CNTN5: variants seen among roughly 807,000 people sequenced by gnomAD.
CNTN5 encodes contactin 5.
In CNTN5, 77 loss-of-function variants were observed where a neutral mutation model predicts 129.1. That is an observed-to-expected ratio of 0.60 (90% CI 0.50 to 0.72). The LOEUF is 0.72. Ranked by LOEUF, CNTN5 falls within the 30% of genes least tolerant of loss-of-function variation. The probability of loss-of-function intolerance (pLI) is 0.00; values close to 1 mark genes in which losing one functional copy is unlikely to be tolerated. For synonymous variants in CNTN5, 509 were observed against 465.6 expected, an observed-to-expected ratio of 1.09 and a Z score of -1.20; for missense variants, 1,478 against 1,328.8, an observed-to-expected ratio of 1.11 and a Z score of -1.75.
chr11:99,343,109 T>C (rs1866596697), intron 2 of CNTN5, among the ~76,000 whole-genome samples: 1 of 152,168 alleles, frequency 6.6e-6, no homozygotes, highest in Non-Finnish European at 1.5e-5. Context: ...TTGTCAGGCC[T>C]CATCTGGAAG....
chr11:99,586,397 T>C (rs778980752), intron 3 of CNTN5, among the ~76,000 whole-genome samples: 1 of 152,206 alleles, frequency 6.6e-6, no homozygotes, highest in Non-Finnish European at 1.5e-5. Context: ...TTACCCTTTC[T>C]CTAAATAAAA....
chr11:99,873,881 TA>T (rs902634982), intron 6 of CNTN5, among the ~76,000 whole-genome samples: 2 of 151,880 alleles, frequency 1.3e-5, no homozygotes, highest in Non-Finnish European at 2.9e-5. Context: ...AATGCAGCCA[TA>T]AAAAAAGAAT....
At chr11:99,643,492 A>T (rs963647915) in intron 3 of CNTN5, among the ~76,000 whole-genome samples, 1 of 152,200 alleles carries the variant, frequency 6.6e-6, no homozygotes, top group African/African-American at 2.4e-5. Context: ...ATAAATAAGG[A>T]TGATAACTAT....
At chr11:99,773,792 C>T (rs1222180837) in intron 3 of CNTN5, among the ~76,000 whole-genome samples, 5 of 152,026 alleles carry the variant, frequency 3.3e-5, no homozygotes, top group African/African-American at 1.2e-4. Flanking sequence ...CGACCATTGG[C>T]TGGAATTCAA....
In CNTN5 at chr11:99,628,960, A is replaced by C. The variant is rs529559062; in HGVS notation, c.55+72691A>C. Among the ~76,000 whole-genome samples the C allele has an allele frequency of 2.6e-5, 4 of 152,194 alleles. No individual in the cohort carries two copies. In the South Asian group the frequency reaches 8.3e-4, roughly 32 times the overall value. On this transcript the variant is annotated intron_variant, in intron 3 of 24. Transcript: ENST00000524871. ...TTGCTTGTGAGAGCATTATTGGAAA[A>C]AATCTGGTAGACTCAGCACATATTC... is the stretch of plus-strand genomic sequence containing the variant.
chr11:99,993,507 CTT>C (rs947519973), intron 8 of CNTN5, among the ~76,000 whole-genome samples: 1 of 152,168 alleles, frequency 6.6e-6, no homozygotes, highest in Non-Finnish European at 1.5e-5. Flanking sequence ...CAGGATGAAA[CTT>C]TTCCACCTCA....
intron 1 of CNTN5, among the ~76,000 whole-genome samples, chr11:99,047,381 C>CA (rs539810763): frequency 0.12 from 9,168 of 78,726 alleles, 499 homozygotes; most frequent in East Asian, 0.31. Context: ...TGAATTTTGG[C>CA]AAAAAAAAAA....
At chr11:100,074,326 A>G (rs1944042525) in intron 13 of CNTN5, 32 bp downstream of exon 13, 1 of 1,542,910 alleles carries the variant, frequency 6.5e-7, no homozygotes, top group Non-Finnish European at 8.8e-7. Flanking sequence ...CAAGTTCAAC[A>G]TTAGACTTTT....
At chr11:99,032,083 A>G (rs1364407069) in intron 1 of CNTN5, among the ~76,000 whole-genome samples, 1 of 151,884 alleles carries the variant, frequency 6.6e-6, no homozygotes, top group African/African-American at 2.4e-5. Flanking sequence ...ACGTCCCTAA[A>G]AAGGACATGA....
intron 2 of CNTN5, among the ~76,000 whole-genome samples, chr11:99,460,108 C>A: frequency 6.6e-6 from 1 of 151,726 alleles, no homozygotes; most frequent in South Asian, 2.1e-4. Flanking sequence ...AGATGGAATG[C>A]GGGTGTCTTC....
At chr11:99,885,037 C>G (rs928130983) in intron 6 of CNTN5, among the ~76,000 whole-genome samples, 1 of 152,120 alleles carries the variant, frequency 6.6e-6, no homozygotes, top group Non-Finnish European at 1.5e-5. Context: ...AATGACAGCA[C>G]TCTGGGGGGG....
intron 3 of CNTN5, among the ~76,000 whole-genome samples, chr11:99,774,701 T>C (rs539561929): frequency 3.2e-4 from 48 of 152,118 alleles, no homozygotes; most frequent in Middle Eastern, 6.8e-3. Context: ...CTTTATTCTG[T>C]CCTGTTACTT....
chr11:99,645,461 A>G (rs35661685), intron 3 of CNTN5, among the ~76,000 whole-genome samples: 91,155 of 151,618 alleles, frequency 0.6, 28,239 homozygotes, highest in Admixed American at 0.69. Flanking sequence ...CTTCCACAGT[A>G]GTTGAACTAA....
chr11:100,011,384 G>C, intron 9 of CNTN5, among the ~76,000 whole-genome samples: 1 of 152,120 alleles, frequency 6.6e-6, no homozygotes, highest in Non-Finnish European at 1.5e-5. Context: ...AACAACATCA[G>C]TTTATCCATA....
At chr11:100,004,689 A>G (rs1940083643) in intron 9 of CNTN5, among the ~76,000 whole-genome samples, 1 of 152,168 alleles carries the variant, frequency 6.6e-6, no homozygotes, top group Non-Finnish European at 1.5e-5. Context: ...AACTCCTGAT[A>G]GCAATGACTC....
chr11:99,738,373 C>T (rs2135142586), intron 3 of CNTN5, among the ~76,000 whole-genome samples: 1 of 152,176 alleles, frequency 6.6e-6, no homozygotes, highest in Middle Eastern at 3.4e-3. Context: ...TTTCTAGTCT[C>T]CAGAACGATG....
At position 99,021,067 on chromosome 11, in the gene CNTN5, C is replaced by A. The variant is rs1481472731; in HGVS notation, c.-413C>A. On this transcript the variant is annotated 5_prime_UTR_variant, in exon 1 of 25. Transcript: ENST00000524871. ...ATTAAAGCTCGGGGCGGAGAGGATGCGTTACCTGGGTCCCGTCTGCTGCGA... is the reference window on the plus strand; with the variant it reads ...ATTAAAGCTCGGGGCGGAGAGGATGAGTTACCTGGGTCCCGTCTGCTGCGA... The A allele has an allele frequency of 1.3e-5, 2 of 152,874 alleles. No individual in the cohort carries two copies. Among genetic ancestry groups the A allele is most frequent in the East Asian group, 1.9e-4 (1 of 5,178 alleles). The allele number at this position is 152,874 out of a possible 1,614,324, so 9.5% of individuals were successfully genotyped here.
chr11:99,191,676 A>G (rs1858649916), intron 1 of CNTN5, among the ~76,000 whole-genome samples: 1 of 151,898 alleles, frequency 6.6e-6, no homozygotes, highest in South Asian at 2.1e-4. Context: ...GAGAAAATTC[A>G]CAAATACATC....
At chr11:99,646,458 A>G (rs1483568294) in intron 3 of CNTN5, among the ~76,000 whole-genome samples, 2 of 152,176 alleles carry the variant, frequency 1.3e-5, no homozygotes, top group Non-Finnish European at 2.9e-5. Flanking sequence ...AGAATATTCA[A>G]TGTAAGGGCC....
Sources: gnomAD v4.1 joint callset for allele counts (sites outside exome capture counted in the v4.1 genomes callset) on GRCh38, gnomAD v4.1.1 for gene constraint, MANE v1.5 for transcripts, NCBI Gene and HGNC (gene_info 2026-07-23, HGNC 2026-07-21) for gene names.